PSMG2: variants seen among roughly 807,000 people sequenced by gnomAD.
PSMG2 encodes the protein CD40 ligand-activated specific transcript 3.
Under a neutral mutation model 31.5 loss-of-function variants are expected in PSMG2, and 21 were observed. The ratio of observed to expected loss-of-function variants is 0.67; its 90% CI spans 0.47 to 0.96. The LOEUF (loss-of-function observed/expected upper bound fraction) is 0.96. Ranked by LOEUF, PSMG2 falls within the 40% of genes least tolerant of loss-of-function variation. The pLI, the probability that PSMG2 is intolerant of heterozygous loss-of-function variation, is 0.00. For synonymous variants in PSMG2, 120 were observed against 110.4 expected (o/e 1.09, Z -0.54); for missense variants, 318 against 321.2 (o/e 0.99, Z 0.08).
rs146937708 is a variant in PSMG2, at chr18:12,716,584, C to T, written c.289-1933C>T. On this transcript the variant is annotated intron_variant, in intron 3 of 6. Coordinates refer to ENST00000317615, the MANE Select transcript of PSMG2 (RefSeq NM_020232.5). ...AATTTTTTTGTATTTTTAGTAGAGA[C>T]GGGGTTTCACCGTGTTAGCCAGGAT... Among the ~76,000 whole-genome samples, 387 of 151,900 alleles carry T rather than the reference C, an allele frequency of 2.5e-3. 1 individual carries two copies. The highest frequency in any genetic ancestry group is 4.5e-3 in the Admixed American group (69 of 15,244).
At chr18:12,708,930 T>C (rs765741074) in intron 2 of PSMG2, among the ~76,000 whole-genome samples, 2 of 152,050 alleles carry the variant, frequency 1.3e-5, no homozygotes, top group East Asian at 3.9e-4. Context: ...CAGGCTGGTC[T>C]CAAACTCCTG....
intron 1 of PSMG2, among the ~76,000 whole-genome samples, chr18:12,668,597 C>CA (rs752216074): frequency 0.031 from 2,233 of 72,572 alleles, 333 homozygotes; most frequent in East Asian, 0.092. Context: ...GATTCCATCT[C>CA]AAAAAAAAAA....
At chr18:12,681,618 AT>A (rs1427895177) in intron 1 of PSMG2, among the ~76,000 whole-genome samples, 3 of 152,144 alleles carry the variant, frequency 2.0e-5, no homozygotes, top group African/African-American at 7.2e-5. Context: ...ACAGCAAGAA[AT>A]GCAAATAAAT....
chr18:12,688,771 C>A (rs896251003), intron 1 of PSMG2, among the ~76,000 whole-genome samples: 29 of 152,164 alleles, frequency 1.9e-4, no homozygotes, highest in Non-Finnish European at 2.9e-5. Flanking sequence ...CAGTACATGG[C>A]TGGTGGCTAC....
rs946279122 is a variant in PSMG2 at position 12,715,746 on chromosome 18, T to C, written c.289-2771T>C. Among the ~76,000 whole-genome samples the C allele has an allele frequency of 4.6e-5, 7 of 152,306 alleles. No individual in the cohort carries two copies. The East Asian group carries it at 1.3e-3, about 29-fold the overall frequency. ...GTCTCACACTCCTGACCTTAGGTGA[T>C]CTGCCCACCACAGCCTCCCAAAGTG... is the stretch of plus-strand genomic sequence containing the variant. On this transcript the variant is annotated intron_variant, in intron 3 of 6. Transcript: ENST00000317615.
chr18:12,664,035 A>G (rs1232646183), intron 1 of PSMG2, among the ~76,000 whole-genome samples: 2 of 152,220 alleles, frequency 1.3e-5, no homozygotes, highest in African/African-American at 2.4e-5. Flanking sequence ...ATGGTGGTGC[A>G]TGCCTGTAAT....
chr18:12,703,248 C>G, intron 1 of PSMG2, 84 bp downstream of exon 1: 1 of 1,422,814 alleles, frequency 7.0e-7, no homozygotes, highest in South Asian at 1.3e-5. Flanking sequence ...TTGGCGGTGC[C>G]TTGGGAGAAA....
intron 1 of PSMG2, among the ~76,000 whole-genome samples, chr18:12,663,117 T>C (rs9944857): frequency 0.018 from 2,728 of 152,310 alleles, 92 homozygotes; most frequent in African/African-American, 0.062. Context: ...CCCAAATTAC[T>C]GCTAGTTGGC....
chr18:12,725,358 AAGG>A, intron 6 of PSMG2, 78 bp from the exon 7 acceptor site: 1 of 1,148,842 alleles, frequency 8.7e-7, no homozygotes, highest in Non-Finnish European at 1.2e-6. Flanking sequence ...AGGAACACAA[AAGG>A]AGAGTTTTAT....
intron 1 of PSMG2, chr18:12,678,134 C>T: frequency 6.2e-7 from 1 of 1,613,144 alleles, no homozygotes; most frequent in African/African-American, 1.3e-5. Context: ...CACCAGGAGC[C>T]TCAGCTGCAT....
intron 6 of PSMG2, chr18:12,724,956 A>G: frequency 2.9e-6 from 1 of 342,810 alleles, no homozygotes; most frequent in Non-Finnish European, 5.2e-6. Flanking sequence ...GGAAGTAAAA[A>G]GTATTGCTAT....
chr18:12,691,092 G>T, intron 1 of PSMG2: 1 of 295,784 alleles, frequency 3.4e-6, no homozygotes, highest in East Asian at 6.2e-5. Flanking sequence ...TATTCAGAAA[G>T]GGTTTAAAAC....
chr18:12,708,696 C>G lies in PSMG2; in HGVS notation c.229+1975C>G, dbSNP rs150744988. Among the ~76,000 whole-genome samples, 108 of 134,690 alleles carry G rather than the reference C, an allele frequency of 8.0e-4. 1 individual carries two copies. The highest frequency in any genetic ancestry group is 6.8e-3 in the East Asian group (30 of 4,422). The allele number at this position is 134,690 out of a possible 152,430, so 88.4% of individuals were successfully genotyped here. A position where few individuals can be genotyped will look rare whatever the true frequency, so the allele number is the denominator to read the frequency against. On this transcript the variant is annotated intron_variant, in intron 2 of 6. Transcript: ENST00000317615. ...CATGTAATTCATTTAATCTTTACAA[C>G]GTTCTTTTTTTTTTTTTTTTTTTTT...
At chr18:12,666,436 G>T (rs945702907) in intron 1 of PSMG2, among the ~76,000 whole-genome samples, 12 of 126,620 alleles carry the variant, frequency 9.5e-5, no homozygotes, top group Non-Finnish European at 9.9e-5. Context: ...AAATTTTATG[G>T]TTTTTTTTTT....
intron 4 of PSMG2, among the ~76,000 whole-genome samples, chr18:12,719,635 G>T (rs2040411376): frequency 1.3e-5 from 2 of 151,346 alleles, no homozygotes; most frequent in Non-Finnish European, 2.9e-5. Flanking sequence ...TAATTCGCCT[G>T]CTGGGTCTCC....
chr18:12,705,786 T>C (rs2040262854), intron 1 of PSMG2, among the ~76,000 whole-genome samples: 1 of 152,168 alleles, frequency 6.6e-6, no homozygotes, highest in Non-Finnish European at 1.5e-5. Flanking sequence ...TTTTCAGGTC[T>C]CTAGTCATTT....
chr18:12,710,135 G>A (rs1289452126), intron 2 of PSMG2, among the ~76,000 whole-genome samples: 1 of 150,320 alleles, frequency 6.7e-6, no homozygotes, highest in Non-Finnish European at 1.5e-5. Context: ...AGTAAGACGG[G>A]GTTTCACTGT....
chr18:12,721,197 A>G (rs991982937), intron 5 of PSMG2, among the ~76,000 whole-genome samples: 1 of 152,140 alleles, frequency 6.6e-6, no homozygotes, highest in Non-Finnish European at 1.5e-5. Flanking sequence ...AAAAGAAAAT[A>G]TATTTACAAA....
chr18:12,701,432 C>A (rs1240372241), upstream of PSMG2, among the ~76,000 whole-genome samples: 1 of 152,110 alleles, frequency 6.6e-6, no homozygotes, highest in African/African-American at 2.4e-5. Context: ...TACTTTCATA[C>A]TTTGATCTGC....
Sources: gnomAD v4.1 joint callset for allele counts (sites outside exome capture counted in the v4.1 genomes callset) on GRCh38, gnomAD v4.1.1 for gene constraint, MANE v1.5 for transcripts, NCBI Gene and HGNC (gene_info 2026-07-23, HGNC 2026-07-21) for gene names.